The following TBX3 variants were observed in gnomAD, a reference collection of about 807,000 sequenced individuals.
The protein encoded by TBX3 is T-box transcription factor 3.
A neutral mutation model predicts 47.8 loss-of-function variants in TBX3; 11 were observed. The observed-to-expected ratio is 0.23, with a 90% CI of 0.14 to 0.38. TBX3 has a LOEUF of 0.38. Among genes scored for constraint, TBX3 ranks in the 10% least tolerant of loss-of-function variants. The pLI, the probability that TBX3 is intolerant of heterozygous loss-of-function variation, is 1.00. For missense variants in TBX3, 927 were observed against 1,022.8 expected (o/e 0.91, Z 1.28); for synonymous variants, 500 against 449.3 (o/e 1.11, Z -1.43).
At chr12:114,677,393 G>T (rs1868756483) in intron 4 of TBX3, among the ~76,000 whole-genome samples, 187 bp downstream of exon 4, 1 of 152,180 alleles carries the variant, frequency 6.6e-6, no homozygotes. Context: ...TTCCTTAAAG[G>T]TAAGGAGGTA....
Position 114,672,059 on chromosome 12 carries a change from C to A in TBX3, c.1954G>T (p.Gly652Cys). 2.5e-6 allele frequency: 4 copies of A among 1,571,650 alleles called. No individual in the cohort carries two copies. The highest frequency in any genetic ancestry group is 2.6e-6 in the Non-Finnish European group (3 of 1,159,110). Residue 652 changes from glycine (G) to cysteine (C), a missense_variant, in exon 7 of 7, where the codon GGC becomes TGC. Coordinates refer to ENST00000349155, the MANE Select transcript of TBX3 (RefSeq NM_005996.4). ...CTGGCGGCCAGGGCGGCGACTTTGC[C>A]GTCCAGGGGCCCCGCGGCCGCCGCC... ...SMAAAAGPLD[G>C]KVAALAASPA...
Position 114,674,502 on chromosome 12 carries a change from G to C in TBX3, c.1373C>G (p.Ala458Gly), listed in dbSNP as rs557929464. Residue 458 changes from alanine to glycine, a missense_variant, in exon 6 of 7, where the codon GCC (alanine) becomes GGC (glycine). Physicochemically the swap from Ala to Gly is moderately conservative, Grantham distance 60 (BLOSUM62 0). Around this residue, in one of 5 missense-constraint regions of TBX3, gnomAD observed 623 missense variants for 569.0 expected, o/e 1.09. Transcript: ENST00000349155. The stretch of plus-strand genomic sequence containing the variant: ...CGTCTGCACCGTGAGCGGCGCGAAG[G>C]CCTCCTTGCCCGGGAGCGCGCGCGC... ...EEARALPGKE[A>G]FAPLTVQTDA... is the part of the protein sequence containing the mutation. The C allele has an allele frequency of 1.6e-5, 24 of 1,515,388 alleles. No individual in the cohort carries two copies. Among genetic ancestry groups the C allele is most frequent in the Non-Finnish European group, 2.1e-5 (24 of 1,135,304 alleles). The allele number at this position is 1,515,388 out of a possible 1,614,324, so 93.9% of individuals were successfully genotyped here. A position where few individuals can be genotyped will look rare whatever the true frequency, so the allele number is the denominator to read the frequency against.
intron 5 of TBX3, 98 bp from the exon 6 acceptor site, chr12:114,674,933 T>A (rs1474748468): frequency 2.7e-6 from 4 of 1,473,356 alleles, no homozygotes; most frequent in African/African-American, 1.4e-5. Flanking sequence ...AGCTCGTGGC[T>A]TAGTGGCTGT....
At chr12:114,672,414 G>T in intron 6 of TBX3, 112 bp from the exon 7 acceptor site, 2 of 832,590 alleles carry the variant, frequency 2.4e-6, no homozygotes, top group Non-Finnish European at 3.4e-6. Flanking sequence ...TCCCTGGTAT[G>T]TTCTGTTGTT....
At position 114,681,660 on chromosome 12, in the gene TBX3, G is replaced by A. The variant is rs530647025; in HGVS notation, c.390-514C>T. 2.0e-5 allele frequency among the ~76,000 whole-genome samples: 3 copies of A among 152,274 alleles called. No individual in the cohort carries two copies. The South Asian group carries it at 6.2e-4, about 32-fold the overall frequency. Reference sequence around the variant, plus strand: ...CTGCAGAATAGCAATCCCGCTGTGGGCGAAGTGAAACTGGACTTCAGTGAG... The same window carrying A: ...CTGCAGAATAGCAATCCCGCTGTGGACGAAGTGAAACTGGACTTCAGTGAG... On this transcript the variant is annotated intron_variant, in intron 1 of 6. Transcript: ENST00000349155.
intron 1 of TBX3, among the ~76,000 whole-genome samples, chr12:114,682,306 C>G (rs992182113): frequency 6.6e-6 from 1 of 152,092 alleles, no homozygotes; most frequent in African/African-American, 2.4e-5. Flanking sequence ...TCTCTCTGAC[C>G]AGGGCAGCAG....
rs374926979 is a variant in TBX3 at position 114,676,448 on chromosome 12, T to A, written c.904A>T (p.Met302Leu). 1.2e-6 allele frequency: 2 copies of A among 1,614,238 alleles called. No individual in the cohort carries two copies. Among genetic ancestry groups the A allele is most frequent in the Non-Finnish European group, 1.7e-6 (2 of 1,180,046 alleles). ...TTGTGTCTTTCATCAAACACCCTCATGGACTGCAGGGTGAGCTGTTTTCTG... is the reference window on the plus strand; with the variant it reads ...TTGTGTCTTTCATCAAACACCCTCAAGGACTGCAGGGTGAGCTGTTTTCTG... ...EKRKQLTLQSMRVFDERHKKE... is the reference protein window; with the variant it reads ...EKRKQLTLQSLRVFDERHKKE... Residue 302 changes from methionine to leucine, a missense_variant, in exon 5 of 7, where the codon ATG becomes TTG. Around this residue, in one of 5 missense-constraint regions of TBX3, gnomAD observed 44 missense variants for 59.3 expected, o/e 0.74. Transcript: ENST00000349155.
intron 2 of TBX3, chr12:114,680,558 T>G: frequency 2.2e-6 from 1 of 452,222 alleles, no homozygotes; most frequent in Non-Finnish European, 4.0e-6. Context: ...ACAAATCCTT[T>G]AGGAATACAT....
chr12:114,681,206 G>A, intron 1 of TBX3, 60 bp from the exon 2 acceptor site: 2 of 1,595,340 alleles, frequency 1.3e-6, no homozygotes, highest in Non-Finnish European at 1.7e-6. Flanking sequence ...TCTTGGGTTT[G>A]ATTTCCTATG....
At chr12:114,677,307 T>C (rs530233043) in intron 4 of TBX3, among the ~76,000 whole-genome samples, 2 of 152,358 alleles carry the variant, frequency 1.3e-5, no homozygotes, top group African/African-American at 4.8e-5. Flanking sequence ...TAATTAGGAA[T>C]TAATAGGCAT....
At chr12:114,672,364 C>T in intron 6 of TBX3, 62 bp from the exon 7 acceptor site, 6 of 1,327,704 alleles carry the variant, frequency 4.5e-6, no homozygotes, top group Non-Finnish European at 6.1e-6. Context: ...TCTCATCCCT[C>T]TCCTCTCTTC....
intron 1 of TBX3, among the ~76,000 whole-genome samples, chr12:114,681,481 G>C (rs1278804754): frequency 6.6e-6 from 1 of 152,128 alleles, no homozygotes; most frequent in Non-Finnish European, 1.5e-5. Context: ...GCAAATTCTT[G>C]CCCATGTCTT....
chr12:114,680,040 T>C (rs773957010), intron 2 of TBX3: 21 of 1,526,922 alleles, frequency 1.4e-5, no homozygotes, highest in Non-Finnish European at 1.4e-5. Flanking sequence ...CGCCCACTAA[T>C]TGACGAGCCC....
chr12:114,682,122 A>G (rs1192762772), intron 1 of TBX3, among the ~76,000 whole-genome samples: 1 of 152,194 alleles, frequency 6.6e-6, no homozygotes, highest in Admixed American at 6.5e-5. Flanking sequence ...TTTAAACATT[A>G]TGTAAAATAT....
At chr12:114,680,001 T>C in intron 2 of TBX3, 1 of 1,613,038 alleles carries the variant, frequency 6.2e-7, no homozygotes. Context: ...ACATGCATTT[T>C]AATTTACAAA....
intron 5 of TBX3, 149 bp downstream of exon 5, chr12:114,676,164 C>G (rs755497997): frequency 8.2e-6 from 8 of 974,168 alleles, no homozygotes; most frequent in East Asian, 5.2e-5. Context: ...ACCTGATAGC[C>G]CTTTTTGAAC....
rs984619064 is a variant in TBX3 at position 114,671,736 on chromosome 12, A to C, written c.*105T>G. 67 of 1,453,370 alleles carry C rather than the reference A, an allele frequency of 4.6e-5. No homozygotes were observed. The highest frequency in any genetic ancestry group is 6.2e-5 in the Non-Finnish European group (66 of 1,062,904). 90.0% of individuals were successfully genotyped at this position (1,453,370 alleles called of 1,614,324 possible). On this transcript the variant is annotated 3_prime_UTR_variant, in exon 7 of 7. Coordinates refer to ENST00000349155, the MANE Select transcript of TBX3 (RefSeq NM_005996.4). ...GGGCCCCTTCCCAGACGCAACTGCA[A>C]AAGGAAGGGCTAACGCCATGGCGGG... is the stretch of plus-strand genomic sequence containing the variant.
Position 114,671,451 on chromosome 12 carries a change from C to T in TBX3, c.*390G>A. On this transcript the variant is annotated 3_prime_UTR_variant, in exon 7 of 7. Coordinates refer to ENST00000349155, the MANE Select transcript of TBX3 (RefSeq NM_005996.4). Reference sequence around the variant, plus strand: ...TTTTTGAAAGATTTTGTTTTTGTTTCCACTTGACACAGTGAAGGAAAAATA... The same window carrying T: ...TTTTTGAAAGATTTTGTTTTTGTTTTCACTTGACACAGTGAAGGAAAAATA... The T allele has an allele frequency of 3.4e-6, 1 of 294,330 alleles. No individual in the cohort carries two copies. The highest frequency in any genetic ancestry group is 8.9e-5 in the South Asian group (1 of 11,240). 18.2% of individuals were successfully genotyped at this position (294,330 alleles called of 1,614,324 possible). A position where few individuals can be genotyped will look rare whatever the true frequency, so the allele number is the denominator to read the frequency against.
chr12:114,680,780 C>T, intron 2 of TBX3, 99 bp downstream of exon 2: 4 of 1,546,768 alleles, frequency 2.6e-6, no homozygotes, highest in Admixed American at 1.7e-5. Flanking sequence ...TAGGGAGAAG[C>T]AAAGGAGAAG....
Sources: gnomAD v4.1 joint callset for allele counts (sites outside exome capture counted in the v4.1 genomes callset) on GRCh38, gnomAD v4.1.1 for gene constraint, gnomAD v4.1.1 regional missense constraint, MANE v1.5 for transcripts, NCBI Gene and HGNC (gene_info 2026-07-23, HGNC 2026-07-21) for gene names.